The following THADA variants were observed in gnomAD, a reference collection of about 807,000 sequenced individuals.
THADA encodes tRNA (32-2'-O)-methyltransferase regulator THADA.
THADA carries 213 observed loss-of-function variants against 219.8 expected under a neutral mutation model. The observed-to-expected ratio is 0.97, with a 90% CI of 0.87 to 1.09. The LOEUF is 1.09. Among genes scored for constraint, THADA ranks in the 50% least tolerant of loss-of-function variants. The probability of loss-of-function intolerance (pLI) is 0.00; values close to 1 mark genes in which losing one functional copy is unlikely to be tolerated. For missense variants in THADA, 2,956 were observed against 2,311.3 expected (o/e 1.28, Z -5.72); for synonymous variants, 1,018 against 828.9 (o/e 1.23, Z -3.92).
intron 28 of THADA, among the ~76,000 whole-genome samples, chr2:43,409,959 G>T (rs1676070725): frequency 6.6e-6 from 1 of 151,700 alleles, no homozygotes; most frequent in Non-Finnish European, 1.5e-5. Flanking sequence ...TGAGGCTACA[G>T]TGAGCTGTGA....
intron 10 of THADA, 23 bp from the exon 11 acceptor site, chr2:43,575,050 C>A (rs773128413): frequency 6.4e-7 from 1 of 1,552,768 alleles, no homozygotes; most frequent in Non-Finnish European, 8.7e-7. Context: ...GAGCCATGAG[C>A]CATTATTGTA....
At chr2:43,314,285 A>G (rs1677830832) in intron 31 of THADA, among the ~76,000 whole-genome samples, 1 of 152,198 alleles carries the variant, frequency 6.6e-6, no homozygotes, top group Non-Finnish European at 1.5e-5. Flanking sequence ...ATTTCAATAT[A>G]TTACACATAC....
chr2:43,245,374 T>C (rs985491042), intron 36 of THADA, among the ~76,000 whole-genome samples: 13 of 152,086 alleles, frequency 8.5e-5, no homozygotes, highest in African/African-American at 3.1e-4. Flanking sequence ...GGTTTCACCA[T>C]ATTGGTCAGG....
At chr2:43,365,563 T>TCTGACA (rs1670038814) in intron 29 of THADA, among the ~76,000 whole-genome samples, 2 of 106,772 alleles carry the variant, frequency 1.9e-5, no homozygotes, top group Admixed American at 8.9e-5. Flanking sequence ...AGAGCAAGAC[T>TCTGACA]CTGACACACA....
intron 14 of THADA, among the ~76,000 whole-genome samples, chr2:43,569,213 G>A (rs1020726055): frequency 2.0e-5 from 3 of 152,154 alleles, no homozygotes; most frequent in African/African-American, 7.2e-5. Context: ...CTGGACTCAA[G>A]TGATCCTCCT....
At chr2:43,342,894 A>C (rs1469303315) in intron 30 of THADA, 1 of 152,226 alleles carries the variant, frequency 6.6e-6, no homozygotes, top group Non-Finnish European at 1.5e-5. Flanking sequence ...GACTTGCCAC[A>C]GAAGGTAAGA....
chr2:43,504,028 G>A (rs1031561203), intron 24 of THADA, among the ~76,000 whole-genome samples: 2 of 151,918 alleles, frequency 1.3e-5, no homozygotes, highest in Admixed American at 1.3e-4. Flanking sequence ...TTTCAGATTA[G>A]AGATGCTGAC....
intron 10 of THADA, 96 bp downstream of exon 10, chr2:43,576,926 T>C: frequency 9.1e-7 from 1 of 1,096,078 alleles, no homozygotes; most frequent in Non-Finnish European, 1.3e-6. Context: ...GGAGGGTAGC[T>C]GGGATTAGAG....
At chr2:43,360,046 G>C (rs1426579233) in intron 29 of THADA, among the ~76,000 whole-genome samples, 1 of 151,792 alleles carries the variant, frequency 6.6e-6, no homozygotes, top group African/African-American at 2.4e-5. Context: ...ATTAATCAAA[G>C]TGCAATTATC....
chr2:43,309,043 G>T lies in THADA; in HGVS notation c.4438+11403C>A, dbSNP rs140112571. Among the ~76,000 whole-genome samples the T allele has an allele frequency of 3.7e-3, 559 of 152,234 alleles. 5 individuals carry two copies. Among genetic ancestry groups the T allele is most frequent in the African/African-American group, 0.013 (534 of 41,548 alleles). On this transcript the variant is annotated intron_variant, in intron 31 of 37. Transcript: ENST00000405975. Reference sequence around the variant, plus strand: ...TAAGAAAATGAAAAGGCAAGCCACAGCCAGGTAAAAACTGTGCAAAACATT... The same window carrying T: ...TAAGAAAATGAAAAGGCAAGCCACATCCAGGTAAAAACTGTGCAAAACATT...
chr2:43,430,595 C>G, intron 26 of THADA: 1 of 471,218 alleles, frequency 2.1e-6, no homozygotes, highest in South Asian at 1.6e-5. Flanking sequence ...GTGCCAATGC[C>G]AAGTTTCCAC....
At chr2:43,253,541 C>G (rs932629463) in intron 36 of THADA, among the ~76,000 whole-genome samples, 3 of 152,136 alleles carry the variant, frequency 2.0e-5, no homozygotes, top group African/African-American at 7.2e-5. Context: ...CAAACCTGCC[C>G]TCTTGATAGT....
At position 43,328,847 on chromosome 2, in the gene THADA, A is replaced by T. The variant is rs547607796; in HGVS notation, c.4344-8307T>A. Among the ~76,000 whole-genome samples, 5 of 152,316 alleles carry T rather than the reference A, an allele frequency of 3.3e-5. No homozygotes were observed. In the South Asian group the frequency reaches 1.0e-3, roughly 32 times the overall value. On this transcript the variant is annotated intron_variant, in intron 30 of 37. Coordinates refer to ENST00000405975, the MANE Select transcript of THADA (RefSeq NM_022065.5). ...GGATTGCTGCTGCTGGAGGAAGCCCACAGCTTCAATGCCATGCCTTTGCCT... is the reference window on the plus strand; with the variant it reads ...GGATTGCTGCTGCTGGAGGAAGCCCTCAGCTTCAATGCCATGCCTTTGCCT...
chr2:43,517,257 A>G (rs1303372275), intron 22 of THADA, among the ~76,000 whole-genome samples: 1 of 152,132 alleles, frequency 6.6e-6, no homozygotes. Context: ...CTGCTTTCTT[A>G]TATTAACTGA....
intron 22 of THADA, among the ~76,000 whole-genome samples, chr2:43,514,511 A>G (rs1358360215): frequency 1.5e-5 from 2 of 137,056 alleles, no homozygotes; most frequent in Admixed American, 1.6e-4. Flanking sequence ...TATATTTTAT[A>G]TATAATATAT....
chr2:43,288,450 T>C (rs1157106315), intron 34 of THADA, among the ~76,000 whole-genome samples: 3 of 152,192 alleles, frequency 2.0e-5, no homozygotes, highest in Non-Finnish European at 2.9e-5. Context: ...TCTAACACTA[T>C]TGTTTAAACA....
At chr2:43,384,877 C>T (rs191069620) in intron 29 of THADA, among the ~76,000 whole-genome samples, 164 of 152,226 alleles carry the variant, frequency 1.1e-3, no homozygotes, top group Admixed American at 1.0e-3. Flanking sequence ...CAGTGGCTCA[C>T]GCCTGTAATT....
chr2:43,534,192 C>A (rs138983027), intron 21 of THADA, among the ~76,000 whole-genome samples: 228 of 152,076 alleles, frequency 1.5e-3, no homozygotes, highest in African/African-American at 5.2e-3. Flanking sequence ...TTTAAAAATT[C>A]TTTTTCATTG....
chr2:43,286,863 TTTAAGTGAG>T, intron 35 of THADA, 36 bp downstream of exon 35: 1 of 1,584,512 alleles, frequency 6.3e-7, no homozygotes, highest in Non-Finnish European at 8.6e-7. Context: ...CTATTCATAT[TTTAAGTGAG>T]TTTGGTACAA....
Sources: gnomAD v4.1 joint callset for allele counts (sites outside exome capture counted in the v4.1 genomes callset) on GRCh38, gnomAD v4.1.1 for gene constraint, MANE v1.5 for transcripts, NCBI Gene and HGNC (gene_info 2026-07-23, HGNC 2026-07-21) for gene names.